The following CDH1 variants were observed in gnomAD, a reference collection of about 807,000 sequenced individuals.
CDH1 encodes the protein cadherin 1.
In CDH1, 35 loss-of-function variants were observed where a neutral mutation model predicts 84.5. The ratio of observed to expected loss-of-function variants is 0.41; its 90% confidence interval spans 0.32 to 0.55. The LOEUF is 0.55. Ranked by LOEUF, CDH1 falls within the 20% of genes least tolerant of loss-of-function variation. The probability of loss-of-function intolerance (pLI) is 0.19; values close to 1 mark genes in which losing one functional copy is unlikely to be tolerated. For synonymous variants in CDH1, 417 were observed against 439.0 expected (o/e 0.95, Z 0.63); for missense variants, 994 against 1,126.6 (o/e 0.88, Z 1.68).
chr16:68,828,373 G>A (rs546818923), intron 14 of CDH1, 69 bp downstream of exon 14: 3 of 1,549,718 alleles, frequency 1.9e-6, no homozygotes, highest in African/African-American at 1.4e-5. Context: ...ATTAGTAAGA[G>A]GTAGGCATTT....
intron 2 of CDH1, among the ~76,000 whole-genome samples, chr16:68,745,794 G>A (rs931139158): frequency 6.6e-6 from 1 of 151,664 alleles, no homozygotes; most frequent in African/African-American, 2.4e-5. Flanking sequence ...ATCTCCAAGG[G>A]TGGAGATCTG....
chr16:68,800,508 T>C (rs998314277), intron 2 of CDH1, among the ~76,000 whole-genome samples: 2 of 152,226 alleles, frequency 1.3e-5, no homozygotes, highest in African/African-American at 4.8e-5. Flanking sequence ...CTTCAAGGGC[T>C]TTCTGGCAGA....
rs373179391 is a variant in CDH1, at chr16:68,810,358, G to A, written c.832+17G>A. ...CTCTTCCAGGTATATCCACTAATGA[G>A]AATCTGAATACTCAGAAAGACTCTT... On this transcript the variant is annotated intron_variant, in intron 6 of 15. Transcript: ENST00000261769. 6.2e-7 allele frequency: 1 copy of A among 1,611,874 alleles called. No individual in the cohort carries two copies. The highest frequency in any genetic ancestry group is 8.5e-7 in the Non-Finnish European group (1 of 1,178,130).
rs34238989 is a variant in CDH1 at position 68,833,147 on chromosome 16, G to A, written c.2440-143G>A. The A allele has an allele frequency of 4.7e-3, 3,291 of 706,726 alleles. 67 individuals are homozygous for A. The African/African-American group carries it at 0.05, about 11-fold the overall frequency. 43.8% of individuals were successfully genotyped at this position (706,726 alleles called of 1,614,324 possible). On this transcript the variant is annotated intron_variant, in intron 15 of 15. Transcript: ENST00000261769. ...TCCTTCCATGACAGTGTGTATAAAT[G>A]TACGTTGTTGGTGTTCACTGCTCCG...
chr16:68,770,151 G>A (rs1258668148), intron 2 of CDH1, among the ~76,000 whole-genome samples: 3 of 152,016 alleles, frequency 2.0e-5, no homozygotes, highest in African/African-American at 7.2e-5. Context: ...TCATAAAGTT[G>A]GAAGGGCTTT....
At chr16:68,771,577 C>A (rs1318954983) in intron 2 of CDH1, among the ~76,000 whole-genome samples, 1 of 151,674 alleles carries the variant, frequency 6.6e-6, no homozygotes, top group African/African-American at 2.4e-5. Context: ...CATGGTGAAA[C>A]CCCGTCTCTA....
intron 2 of CDH1, among the ~76,000 whole-genome samples, chr16:68,782,392 C>T (rs1299969672): frequency 1.3e-5 from 2 of 152,216 alleles, no homozygotes; most frequent in African/African-American, 4.8e-5. Flanking sequence ...AGAACAGGAG[C>T]GGCAGCTTAC....
chr16:68,760,083 TA>T (rs1374279064), intron 2 of CDH1, among the ~76,000 whole-genome samples: 22 of 106,540 alleles, frequency 2.1e-4, no homozygotes, highest in East Asian at 7.7e-4. Flanking sequence ...TCCATATATA[TA>T]TATTTTTTTT....
intron 2 of CDH1, among the ~76,000 whole-genome samples, chr16:68,774,203 C>T (rs1017962561): frequency 6.6e-6 from 1 of 152,162 alleles, no homozygotes; most frequent in African/African-American, 2.4e-5. Flanking sequence ...CATGAGCCAC[C>T]GTGAATGGCC....
intron 2 of CDH1, among the ~76,000 whole-genome samples, chr16:68,753,632 C>A (rs967300166): frequency 6.6e-6 from 1 of 152,132 alleles, no homozygotes; most frequent in African/African-American, 2.4e-5. Context: ...CCACCGCGCC[C>A]GGCACATCTT....
chr16:68,745,547 A>ATATATATATATATATATGT (rs1491171815), intron 2 of CDH1, among the ~76,000 whole-genome samples: 10 of 21,980 alleles, frequency 4.5e-4, no homozygotes, highest in African/African-American at 9.7e-4. Context: ...AAAAAAAAAA[A>ATATATATATATATATATGT]AAATATATAT....
intron 2 of CDH1, among the ~76,000 whole-genome samples, chr16:68,789,599 A>G (rs550847900): frequency 5.3e-5 from 8 of 152,100 alleles, no homozygotes; most frequent in African/African-American, 1.9e-4. Flanking sequence ...AGAATTTAAC[A>G]GTTTCCCTTA....
At position 68,815,836 on chromosome 16, in the gene CDH1, T is replaced by C. The variant is rs1247932253; in HGVS notation, c.1565+77T>C. 2.0e-6 allele frequency: 3 copies of C among 1,501,082 alleles called. No homozygotes were observed. The Admixed American group carries it at 5.0e-5, about 25-fold the overall frequency. The allele number at this position is 1,501,082 out of a possible 1,614,324, so 93.0% of individuals were successfully genotyped here. On this transcript the variant is annotated intron_variant, in intron 10 of 15. Coordinates refer to ENST00000261769, the MANE Select transcript of CDH1 (RefSeq NM_004360.5). ...ATTTTATATGTAAATCAATAATATG[T>C]ACTTCATGGCATTTTGTCATTTGTC...
chr16:68,831,242 C>CTT (rs756724201), intron 15 of CDH1, among the ~76,000 whole-genome samples: 6 of 132,444 alleles, frequency 4.5e-5, no homozygotes, highest in African/African-American at 1.4e-4. Flanking sequence ...TCAAGCCTGG[C>CTT]TTTTTTTTTT....
rs534291091 is a variant in CDH1 at position 68,789,751 on chromosome 16, T to A, written c.164-11919T>A. Among the ~76,000 whole-genome samples the A allele has an allele frequency of 9.5e-4, 145 of 152,258 alleles. 1 individual carries two copies. The highest frequency in any genetic ancestry group is 3.4e-3 in the Middle Eastern group (1 of 294). On this transcript the variant is annotated intron_variant, in intron 2 of 15. Coordinates refer to ENST00000261769, the MANE Select transcript of CDH1 (RefSeq NM_004360.5). Reference sequence around the variant, plus strand: ...GTTAGTCTGAGGCAGGGGCCCTGGCTGAGTATTTTTAAAAAGTGCCCCAGG... The same window carrying A: ...GTTAGTCTGAGGCAGGGGCCCTGGCAGAGTATTTTTAAAAAGTGCCCCAGG...
At chr16:68,827,620 T>C (rs1961354320) in intron 13 of CDH1, among the ~76,000 whole-genome samples, 1 of 152,166 alleles carries the variant, frequency 6.6e-6, no homozygotes, top group Non-Finnish European at 1.5e-5. Context: ...CCACTCCCCA[T>C]AGCTGGTTAT....
intron 2 of CDH1, among the ~76,000 whole-genome samples, chr16:68,790,850 A>G (rs892197137): frequency 1.3e-5 from 2 of 152,146 alleles, no homozygotes; most frequent in Non-Finnish European, 2.9e-5. Context: ...TCCAGGCAGG[A>G]ATATTGAGAT....
chr16:68,797,539 G>T (rs1960395318), intron 2 of CDH1, among the ~76,000 whole-genome samples: 2 of 152,002 alleles, frequency 1.3e-5, no homozygotes, highest in South Asian at 2.1e-4. Flanking sequence ...AATTAGCCAG[G>T]CATGGTGGCA....
chr16:68,813,709 T>C, intron 9 of CDH1: 1 of 687,320 alleles, frequency 1.5e-6, no homozygotes, highest in South Asian at 1.5e-5. Flanking sequence ...ACGCCTGTAA[T>C]CCCAGCACTT....
Sources: gnomAD v4.1 joint callset for allele counts (sites outside exome capture counted in the v4.1 genomes callset) on GRCh38, gnomAD v4.1.1 for gene constraint, MANE v1.5 for transcripts, NCBI Gene and HGNC (gene_info 2026-07-23, HGNC 2026-07-21) for gene names.